MBTD1: variants seen among roughly 807,000 people sequenced by gnomAD.
MBTD1 encodes MBT domain-containing protein 1.
In MBTD1, 24 loss-of-function variants were observed where a neutral mutation model predicts 87.8. That is an observed-to-expected ratio of 0.27 (90% CI 0.20 to 0.38). The LOEUF is 0.38. Ranked by LOEUF, MBTD1 falls within the 10% of genes least tolerant of loss-of-function variation. The pLI is 1.00. For missense variants in MBTD1, 436 were observed against 760.2 expected (o/e 0.57, Z 5.02); for synonymous variants, 237 against 248.6 (o/e 0.95, Z 0.44).
In MBTD1 at chr17:51,198,928, G is replaced by A. The variant is rs574310890; in HGVS notation, c.1224+2664C>T. Among the ~76,000 whole-genome samples, 50 of 152,002 alleles carry A rather than the reference G, an allele frequency of 3.3e-4. 1 individual carries two copies. The highest frequency in any genetic ancestry group is 3.2e-4 in the Non-Finnish European group (22 of 67,974). On this transcript the variant is annotated intron_variant, in intron 12 of 16. Transcript: ENST00000586178. ...AGTGATTCTCTTGCCTTAGCCTTTC[G>A]AGTAGCTGGGATTATAGGTACACAC...
chr17:51,228,559 T>C (rs1368384024), intron 2 of MBTD1, among the ~76,000 whole-genome samples: 4 of 142,514 alleles, frequency 2.8e-5, no homozygotes, highest in Non-Finnish European at 6.1e-5. Flanking sequence ...ATTGCATAAC[T>C]ACAGGCTTTG....
At chr17:51,185,444 C>T (rs1476797292) in intron 16 of MBTD1, 2 of 152,212 alleles carry the variant, frequency 1.3e-5, no homozygotes, top group Non-Finnish European at 2.9e-5. Flanking sequence ...TAACCAATTA[C>T]ACTCGAATCA....
At chr17:51,258,963 A>C (rs1170668979) in intron 2 of MBTD1, among the ~76,000 whole-genome samples, 180 bp downstream of exon 2, 3 of 152,202 alleles carry the variant, frequency 2.0e-5, no homozygotes, top group East Asian at 1.9e-4. Context: ...GTGGGTGAGG[A>C]GGATGTGAGA....
chr17:51,202,114 T>C (rs1294028777), intron 10 of MBTD1, 37 bp from the exon 11 acceptor site: 5 of 1,373,822 alleles, frequency 3.6e-6, no homozygotes, highest in Non-Finnish European at 5.2e-6. Flanking sequence ...TGTCAGCATT[T>C]GTGAGAAGAC....
At chr17:51,202,572 G>C in intron 10 of MBTD1, 129 bp downstream of exon 10, 1 of 697,270 alleles carries the variant, frequency 1.4e-6, no homozygotes, top group South Asian at 1.8e-5. Context: ...CACTAATTAA[G>C]GTAGAAGAAG....
upstream of MBTD1, chr17:51,260,128 C>G: frequency 2.7e-6 from 1 of 369,668 alleles, no homozygotes; most frequent in Non-Finnish European, 4.8e-6. Context: ...ACCCTCCTCT[C>G]TCGCTTCCAC....
At chr17:51,217,568 T>A (rs534182935) in intron 5 of MBTD1, among the ~76,000 whole-genome samples, 152 bp from the exon 6 acceptor site, 1 of 152,234 alleles carries the variant, frequency 6.6e-6, no homozygotes, top group Non-Finnish European at 1.5e-5. Flanking sequence ...CTTCTCTAAA[T>A]AGCATGAGCT....
chr17:51,253,183 T>C (rs556911811), intron 2 of MBTD1, among the ~76,000 whole-genome samples: 5 of 152,294 alleles, frequency 3.3e-5, no homozygotes, highest in Admixed American at 2.0e-4. Context: ...AGTAAATACA[T>C]GTGGGAAAAA....
chr17:51,189,518 T>C (rs1011997280), intron 16 of MBTD1, among the ~76,000 whole-genome samples: 1 of 152,236 alleles, frequency 6.6e-6, no homozygotes, highest in Non-Finnish European at 1.5e-5. Flanking sequence ...TCTTTCCATG[T>C]TCCCAGCCCA....
chr17:51,244,215 T>C (rs1043625309), intron 2 of MBTD1, among the ~76,000 whole-genome samples: 2 of 152,222 alleles, frequency 1.3e-5, no homozygotes, highest in East Asian at 1.9e-4. Context: ...TGCAAAACGA[T>C]TTCCCAACTC....
intron 15 of MBTD1, 195 bp downstream of exon 15, chr17:51,192,587 T>C: frequency 1.1e-6 from 1 of 925,942 alleles, no homozygotes. Flanking sequence ...TGTAATTGAC[T>C]ATTGGATTCA....
chr17:51,196,457 C>T (rs1407874413), intron 12 of MBTD1, among the ~76,000 whole-genome samples: 2 of 152,012 alleles, frequency 1.3e-5, no homozygotes, highest in African/African-American at 4.8e-5. Context: ...CTCCTGACCT[C>T]AGGTGACCCA....
intron 16 of MBTD1, among the ~76,000 whole-genome samples, chr17:51,182,766 G>A (rs1371385060): frequency 6.6e-6 from 1 of 152,058 alleles, no homozygotes; most frequent in Non-Finnish European, 1.5e-5. Context: ...ACATATATGG[G>A]GTGTAAATTG....
At chr17:51,195,036 C>T (rs143118256) in intron 13 of MBTD1, among the ~76,000 whole-genome samples, 178 bp downstream of exon 13, 29 of 152,234 alleles carry the variant, frequency 1.9e-4, no homozygotes, top group Admixed American at 5.2e-4. Flanking sequence ...TATTAAAGTA[C>T]GCTAGAATAC....
intron 3 of MBTD1, among the ~76,000 whole-genome samples, chr17:51,221,569 C>T (rs146898556): frequency 1.3e-3 from 194 of 152,244 alleles, no homozygotes; most frequent in African/African-American, 4.3e-3. Context: ...GTAACTGGTA[C>T]GGTTGGCTCT....
At chr17:51,204,701 A>G (rs555604376) in intron 7 of MBTD1, among the ~76,000 whole-genome samples, 31 of 152,092 alleles carry the variant, frequency 2.0e-4, no homozygotes, top group South Asian at 8.3e-4. Flanking sequence ...GGGTTTCACC[A>G]TGTTGGCCAG....
At chr17:51,214,862 C>T (rs979712520) in intron 6 of MBTD1, among the ~76,000 whole-genome samples, 3 of 152,102 alleles carry the variant, frequency 2.0e-5, no homozygotes, top group Non-Finnish European at 4.4e-5. Flanking sequence ...ATCTTGTACT[C>T]CTAGTAGCTC....
At chr17:51,233,416 G>A (rs2053652727) in intron 2 of MBTD1, among the ~76,000 whole-genome samples, 1 of 152,112 alleles carries the variant, frequency 6.6e-6, no homozygotes, top group Non-Finnish European at 1.5e-5. Context: ...ATTCTTCAGA[G>A]ATGTAAGAAT....
At chr17:51,257,273 A>G (rs1006505716) in intron 2 of MBTD1, among the ~76,000 whole-genome samples, 10 of 152,218 alleles carry the variant, frequency 6.6e-5, no homozygotes, top group Non-Finnish European at 1.0e-4. Context: ...GTGAAAGGTT[A>G]TATCTTATTT....
Sources: allele counts gnomAD v4.1 joint callset (sites outside exome capture counted in the v4.1 genomes callset), GRCh38; gene constraint gnomAD v4.1.1; transcripts MANE v1.5; gene names NCBI Gene and HGNC (gene_info 2026-07-23, HGNC 2026-07-21).